The following LRRTM3 variants were observed in gnomAD, a reference collection of about 807,000 sequenced individuals.
LRRTM3 encodes the protein leucine-rich repeat transmembrane neuronal protein 3.
A neutral mutation model predicts 44.7 loss-of-function variants in LRRTM3; 24 were observed. The observed-to-expected ratio is 0.54, with a 90% CI of 0.39 to 0.76. LRRTM3 has a LOEUF of 0.76. Among genes scored for constraint, LRRTM3 ranks in the 30% least tolerant of loss-of-function variants. The probability of loss-of-function intolerance (pLI) is 0.00; values close to 1 mark genes in which losing one functional copy is unlikely to be tolerated. For missense variants in LRRTM3, 587 were observed against 702.2 expected (o/e 0.84, Z 1.85); for synonymous variants, 277 against 278.7 (o/e 0.99, Z 0.06).
rs544273128 is a variant in LRRTM3, at chr10:67,017,037, G to A, written c.1537-80550G>A. Reference sequence around the variant, plus strand: ...GACACTTGGCTAGGTGCAGGTGTCTGTACAAAAATTAATGAGCCAAGATCT... The same window carrying A: ...GACACTTGGCTAGGTGCAGGTGTCTATACAAAAATTAATGAGCCAAGATCT... On this transcript the variant is annotated intron_variant, in intron 2 of 2. Transcript: ENST00000361320. Among the ~76,000 whole-genome samples the A allele has an allele frequency of 2.0e-4, 31 of 152,220 alleles. 1 individual carries two copies. The highest frequency in any genetic ancestry group is 3.4e-3 in the Middle Eastern group (1 of 294).
rs1357261879 is a variant in LRRTM3 at position 67,100,749 on chromosome 10, T to C, written c.*2953T>C. ...TGAAGTTCACAAACCACATTTTACA[T>C]AAATTATCTCATTTTGTCTTCATAA... is the stretch of plus-strand genomic sequence containing the variant. On this transcript the variant is annotated 3_prime_UTR_variant, in exon 3 of 3. Coordinates refer to ENST00000361320, the MANE Select transcript of LRRTM3 (RefSeq NM_178011.5). 6.6e-6 allele frequency among the ~76,000 whole-genome samples: 1 copy of C among 151,730 alleles called. No individual in the cohort carries two copies. The highest frequency in any genetic ancestry group is 1.5e-5 in the Non-Finnish European group (1 of 67,792).
chr10:67,085,670 C>T (rs1857268113), intron 2 of LRRTM3, among the ~76,000 whole-genome samples: 1 of 151,952 alleles, frequency 6.6e-6, no homozygotes, highest in Non-Finnish European at 1.5e-5. Flanking sequence ...TACATATTAG[C>T]TCATCCCTTA....
At chr10:66,962,385 T>A (rs1008596136) in intron 2 of LRRTM3, among the ~76,000 whole-genome samples, 1 of 150,330 alleles carries the variant, frequency 6.7e-6, no homozygotes, top group African/African-American at 2.5e-5. Flanking sequence ...CTCCTCTAAG[T>A]TTTTTTTTGT....
At chr10:67,001,313 GA>G (rs1032315725) in intron 2 of LRRTM3, among the ~76,000 whole-genome samples, 4 of 139,430 alleles carry the variant, frequency 2.9e-5, no homozygotes, top group East Asian at 2.1e-4. Context: ...AAAAAAAAAA[GA>G]AAAAAAAAGA....
intron 2 of LRRTM3, among the ~76,000 whole-genome samples, chr10:66,985,861 G>T (rs1850701101): frequency 6.6e-6 from 1 of 151,960 alleles, no homozygotes; most frequent in African/African-American, 2.4e-5. Flanking sequence ...CCAAGTAACT[G>T]GGATTACAGG....
At chr10:67,030,980 G>A (rs1308181217) in intron 2 of LRRTM3, among the ~76,000 whole-genome samples, 1 of 151,940 alleles carries the variant, frequency 6.6e-6, no homozygotes, top group African/African-American at 2.4e-5. Flanking sequence ...CTCCAGCCTG[G>A]GCAACAAGAG....
chr10:66,952,116 T>G (rs1337550628), intron 2 of LRRTM3, among the ~76,000 whole-genome samples: 1 of 152,190 alleles, frequency 6.6e-6, no homozygotes, highest in Admixed American at 6.5e-5. Flanking sequence ...CCCAATATTT[T>G]TAAGCATAAG....
rs1227794624 is a variant in LRRTM3 at position 67,099,440 on chromosome 10, CAG to C, written c.*1645_*1646del. ...GTAGATTGACAATACATCAATCTAA[CAG>C]GGGCCAATCAAAACAATGAAGAAAA... On this transcript the variant is annotated 3_prime_UTR_variant, in exon 3 of 3. Coordinates refer to ENST00000361320, the MANE Select transcript of LRRTM3 (RefSeq NM_178011.5). The C allele has an allele frequency of 6.6e-6, 1 of 151,490 alleles. No individual in the cohort carries two copies. The highest frequency in any genetic ancestry group is 1.5e-5 in the Non-Finnish European group (1 of 67,718). The allele number at this position is 151,490 out of a possible 1,614,324, so 9.4% of individuals were successfully genotyped here. A position where few individuals can be genotyped will look rare whatever the true frequency, so the allele number is the denominator to read the frequency against.
At chr10:67,071,419 ATCT>A (rs1480288059) in intron 2 of LRRTM3, among the ~76,000 whole-genome samples, 1 of 148,760 alleles carries the variant, frequency 6.7e-6, no homozygotes, top group Non-Finnish European at 1.5e-5. Context: ...GTTTGCAGTT[ATCT>A]TCTCTCAACA....
chr10:66,971,838 C>G (rs947345315), intron 2 of LRRTM3, among the ~76,000 whole-genome samples: 1 of 151,956 alleles, frequency 6.6e-6, no homozygotes, highest in African/African-American at 2.4e-5. Flanking sequence ...ATAGGTTCTT[C>G]TCTTTAATAT....
intron 2 of LRRTM3, among the ~76,000 whole-genome samples, chr10:67,091,880 T>G (rs541258863): frequency 8.5e-5 from 13 of 152,122 alleles, no homozygotes; most frequent in African/African-American, 3.1e-4. Flanking sequence ...TCAGAGATAA[T>G]GAGCTCAGTT....
rs576339710 is a variant in LRRTM3 at position 66,934,210 on chromosome 10, C to A, written c.1536+5758C>A. On this transcript the variant is annotated intron_variant, in intron 2 of 2. Coordinates refer to ENST00000361320, the MANE Select transcript of LRRTM3 (RefSeq NM_178011.5). ...AAAAGAAAAACAGCTTCTATCTTAT[C>A]CTTTCCAGCAAATGTTGTAATGATA... Among the ~76,000 whole-genome samples the A allele has an allele frequency of 6.9e-4, 105 of 152,156 alleles. 1 individual carries two copies. Among genetic ancestry groups the A allele is most frequent in the African/African-American group, 2.2e-3 (92 of 41,550 alleles).
At chr10:66,978,433 A>G (rs1268124355) in intron 2 of LRRTM3, among the ~76,000 whole-genome samples, 2 of 148,480 alleles carry the variant, frequency 1.3e-5, no homozygotes, top group East Asian at 2.1e-4. Flanking sequence ...AGGCTGAGGC[A>G]GGAGAATCAC....
intron 2 of LRRTM3, among the ~76,000 whole-genome samples, chr10:67,071,863 A>G (rs1321657170): frequency 6.6e-6 from 1 of 152,124 alleles, no homozygotes; most frequent in Non-Finnish European, 1.5e-5. Context: ...ACTGTGCCCA[A>G]TTTATCATAT....
intron 2 of LRRTM3, chr10:67,012,378 C>A (rs1300603574): frequency 6.6e-6 from 1 of 152,130 alleles, no homozygotes; most frequent in Non-Finnish European, 1.5e-5. Flanking sequence ...AGTATCTTCT[C>A]CCCTTTTCCC....
chr10:67,065,727 C>T (rs1187721018), intron 2 of LRRTM3, among the ~76,000 whole-genome samples: 1 of 152,084 alleles, frequency 6.6e-6, no homozygotes, highest in Non-Finnish European at 1.5e-5. Flanking sequence ...AACTAAGCCA[C>T]ACGATAAAGG....
rs998932520 is a variant in LRRTM3 at position 67,068,589 on chromosome 10, T to C, written c.1537-28998T>C. On this transcript the variant is annotated intron_variant, in intron 2 of 2. Coordinates refer to ENST00000361320, the MANE Select transcript of LRRTM3 (RefSeq NM_178011.5). ...AGAACAGAACTTTGGACAGTTCTTA[T>C]ATTTTAGTAATTATCAGAGAAAAAA... 3.9e-5 allele frequency among the ~76,000 whole-genome samples: 6 copies of C among 152,184 alleles called. 1 individual carries two copies. In the East Asian group the frequency reaches 9.6e-4, roughly 24 times the overall value.
rs1193011673 is a variant in LRRTM3, at chr10:66,957,042, T to C, written c.1536+28590T>C. Among the ~76,000 whole-genome samples, 5 of 152,182 alleles carry C rather than the reference T, an allele frequency of 3.3e-5. No homozygotes were observed. The East Asian group carries it at 9.6e-4, about 29-fold the overall frequency. On this transcript the variant is annotated intron_variant, in intron 2 of 2. Coordinates refer to ENST00000361320, the MANE Select transcript of LRRTM3 (RefSeq NM_178011.5). ...GGGAAAAGTGGACAAACAGCCATAA[T>C]GCTACCTAGCTCTGTCTAAATTGAA...
At chr10:66,981,238 A>C (rs1850423172) in intron 2 of LRRTM3, among the ~76,000 whole-genome samples, 1 of 152,190 alleles carries the variant, frequency 6.6e-6, no homozygotes, top group African/African-American at 2.4e-5. Flanking sequence ...TTCCTAAATC[A>C]ATATCCTGAC....
Sources: gnomAD v4.1 joint callset for allele counts (sites outside exome capture counted in the v4.1 genomes callset) on GRCh38, gnomAD v4.1.1 for gene constraint, MANE v1.5 for transcripts, NCBI Gene and HGNC (gene_info 2026-07-23, HGNC 2026-07-21) for gene names.